Variants in TMEM63C observed in about 807,000 individuals in gnomAD.
TMEM63C encodes osmosensitive cation channel TMEM63C.
In TMEM63C, 32 loss-of-function variants were observed where a neutral mutation model predicts 99.2. The ratio of observed to expected loss-of-function variants is 0.32; its 90% confidence interval spans 0.24 to 0.43. The LOEUF (loss-of-function observed/expected upper bound fraction) is 0.43. Among genes scored for constraint, TMEM63C ranks in the 20% least tolerant of loss-of-function variants. The pLI is 1.00. For missense variants in TMEM63C, 826 were observed against 1,053.0 expected (o/e 0.78, Z 2.98); for synonymous variants, 376 against 397.9 (o/e 0.94, Z 0.66).
At chr14:77,239,537 A>G (rs773830358) in intron 11 of TMEM63C, 45 bp downstream of exon 11, 9 of 1,611,784 alleles carry the variant, frequency 5.6e-6, no homozygotes, top group South Asian at 1.1e-5. Flanking sequence ...TGGGGGTAAA[A>G]GGGGAGGATG....
At chr14:77,256,389 G>A (rs1359893470) in intron 23 of TMEM63C, 137 bp from the exon 24 acceptor site, 1 of 806,834 alleles carries the variant, frequency 1.2e-6, no homozygotes, top group Admixed American at 2.2e-5. Context: ...CAGGACCCAG[G>A]CTGCTGGGGA....
chr14:77,242,870 C>G (rs1889203269), intron 14 of TMEM63C, 33 bp from the exon 15 acceptor site: 1 of 1,613,744 alleles, frequency 6.2e-7, no homozygotes, highest in South Asian at 1.1e-5. Context: ...ACTGATGTCT[C>G]TAAATGTGCC....
chr14:77,230,551 A>G (rs404418), intron 6 of TMEM63C, among the ~76,000 whole-genome samples: 8,901 of 152,218 alleles, frequency 0.058, 366 homozygotes, highest in Admixed American at 0.098. Context: ...GTGAGCGAGC[A>G]TTACACCTGA....
chr14:77,211,463 C>T (rs1411355434), intron 1 of TMEM63C, among the ~76,000 whole-genome samples: 2 of 152,198 alleles, frequency 1.3e-5, no homozygotes, highest in South Asian at 2.1e-4. Context: ...GCTCTGTAAA[C>T]GTTAGCTATT....
intron 1 of TMEM63C, among the ~76,000 whole-genome samples, chr14:77,192,278 A>G (rs888367750): frequency 2.6e-5 from 4 of 152,180 alleles, no homozygotes; most frequent in Non-Finnish European, 4.4e-5. Flanking sequence ...CAATAACTCC[A>G]TGCAGATGGC....
intron 14 of TMEM63C, 108 bp downstream of exon 14, chr14:77,242,577 G>C: frequency 7.0e-7 from 1 of 1,424,248 alleles, no homozygotes; most frequent in African/African-American, 1.4e-5. Flanking sequence ...AGACTCCAAG[G>C]GGACTAAGTT....
chr14:77,254,209 G>T (rs1259660888), intron 23 of TMEM63C, among the ~76,000 whole-genome samples: 2 of 152,212 alleles, frequency 1.3e-5, no homozygotes, highest in African/African-American at 4.8e-5. Flanking sequence ...GGAGCTTGGG[G>T]GACTCAAGAC....
intron 8 of TMEM63C, among the ~76,000 whole-genome samples, chr14:77,234,886 CAACCATGGGGGCCTG>C (rs1889009094): frequency 6.6e-6 from 1 of 152,186 alleles, no homozygotes. Context: ...GTCTGCTGTG[CAACCATGGGGGCCTG>C]AGCCACAGCA....
chr14:77,256,556 G>A lies in TMEM63C; in HGVS notation c.2251G>A (p.Glu751Lys). 6.2e-7 allele frequency: 1 copy of A among 1,614,008 alleles called. No homozygotes were observed. Among genetic ancestry groups the A allele is most frequent in the Non-Finnish European group, 8.5e-7 (1 of 1,179,878 alleles). The change falls in exon 24 of 24, where the codon GAG (glutamate) becomes AAG (lysine). Residue 751 changes from glutamate to lysine, a missense_variant. Transcript: ENST00000298351. Reference sequence around the variant, plus strand: ...TGTGGCCACCGTGCTGCAAGAACCGGAGTTGAATCTGACCCCCGCCTCCTC... The same window carrying A: ...TGTGGCCACCGTGCTGCAAGAACCGAAGTTGAATCTGACCCCCGCCTCCTC... ...LYVATVLQEP[E>K]LNLTPASSPA...
chr14:77,248,543 A>G (rs373343905), intron 19 of TMEM63C, 34 bp downstream of exon 19: 1 of 1,562,112 alleles, frequency 6.4e-7, no homozygotes. Context: ...CACAGCCCTC[A>G]GTTTCCTTTG....
intron 5 of TMEM63C, among the ~76,000 whole-genome samples, chr14:77,221,392 G>A (rs1447225167): frequency 6.9e-5 from 3 of 43,444 alleles, no homozygotes; most frequent in East Asian, 9.5e-4. Context: ...TCCCACTCAC[G>A]CCTCCCATTC....
In TMEM63C at chr14:77,225,417, C is replaced by T. The variant is rs879822582; in HGVS notation, c.313-7C>T. 9.3e-6 allele frequency: 15 copies of T among 1,612,742 alleles called. No individual in the cohort carries two copies. The highest frequency in any genetic ancestry group is 2.7e-5 in the African/African-American group (2 of 75,002). ...GTTTTCTCACAGTTTCTCTCCTTTC[C>T]CCGCAGGGATTCTGTTCCTGGTTCT... On this transcript the variant is annotated splice_polypyrimidine_tract_variant and splice_region_variant and intron_variant, in intron 5 of 23. Coordinates refer to ENST00000298351, the MANE Select transcript of TMEM63C (RefSeq NM_020431.4).
At chr14:77,239,864 C>A in intron 12 of TMEM63C, 138 bp downstream of exon 12, 1 of 1,247,346 alleles carries the variant, frequency 8.0e-7, no homozygotes, top group African/African-American at 1.5e-5. Flanking sequence ...GCTCCTTCCT[C>A]CCCATCCACC....
Position 77,239,504 on chromosome 14 carries a change from G to T in TMEM63C, c.806+12G>T. The T allele has an allele frequency of 6.2e-7, 1 of 1,613,368 alleles. No homozygotes were observed. Among genetic ancestry groups the T allele is most frequent in the Non-Finnish European group, 8.5e-7 (1 of 1,179,730 alleles). Reference sequence around the variant, plus strand: ...TTGGACGATCAGAGGTGAGGCTGCAGCGGGGCCTTTTGGGGCCCGGGGTGG... The same window carrying T: ...TTGGACGATCAGAGGTGAGGCTGCATCGGGGCCTTTTGGGGCCCGGGGTGG... On this transcript the variant is annotated intron_variant, in intron 11 of 23. Transcript: ENST00000298351.
chr14:77,233,827 A>G (rs980004945), intron 8 of TMEM63C, among the ~76,000 whole-genome samples: 1 of 152,000 alleles, frequency 6.6e-6, no homozygotes, highest in South Asian at 2.1e-4. Context: ...GAGATTGAAG[A>G]TTGTTTTCCT....
rs1566629855 is a variant in TMEM63C at position 77,242,907 on chromosome 14, C to T, written c.1192C>T (p.His398Tyr). 3 of 1,614,052 alleles carry T rather than the reference C, an allele frequency of 1.9e-6. No individual in the cohort carries two copies. Among genetic ancestry groups the T allele is most frequent in the Non-Finnish European group, 2.5e-6 (3 of 1,179,890 alleles). Residue 398 changes from histidine (H) to tyrosine (Y), a missense_variant, in exon 15 of 24, where the codon CAC (histidine) becomes TAC (tyrosine). His to Tyr is a moderately conservative substitution (Grantham distance 83). Transcript: ENST00000298351. The stretch of plus-strand genomic sequence containing the variant: ...CCTTCTTCCATCCTTCCCCAGGAAA[C>T]ACCTGTCTGTCCGCCGCTTCTTTTG... ...APHPKDIIWK[H>Y]LSVRRFFWWA...
At chr14:77,247,895 A>G (rs1025801666) in intron 18 of TMEM63C, among the ~76,000 whole-genome samples, 1 of 152,202 alleles carries the variant, frequency 6.6e-6, no homozygotes, top group African/African-American at 2.4e-5. Context: ...GTGAGCCACC[A>G]TGCCCTGCCG....
In TMEM63C at chr14:77,257,635, A is replaced by G. The variant is rs972260103; in HGVS notation, c.*909A>G. 1.3e-5 allele frequency: 2 copies of G among 152,266 alleles called. No individual in the cohort carries two copies. The highest frequency in any genetic ancestry group is 1.5e-5 in the Non-Finnish European group (1 of 68,090). 9.4% of individuals were successfully genotyped at this position (152,266 alleles called of 1,614,324 possible). On this transcript the variant is annotated 3_prime_UTR_variant, in exon 24 of 24. Transcript: ENST00000298351. ...GCCTAAAGAGAAGACCCCCGAAGCCAAAGATGTGGCCACTTAAAAGCGTCT... is the reference window on the plus strand; with the variant it reads ...GCCTAAAGAGAAGACCCCCGAAGCCGAAGATGTGGCCACTTAAAAGCGTCT...
At chr14:77,191,532 C>CTTTTTTTT (rs1888107205) in intron 1 of TMEM63C, among the ~76,000 whole-genome samples, 3 of 92,404 alleles carry the variant, frequency 3.2e-5, no homozygotes, top group Non-Finnish European at 4.4e-5. Context: ...TTTCTTTTTT[C>CTTTTTTTT]TTTTTCTTTT....
Sources: allele counts gnomAD v4.1 joint callset (sites outside exome capture counted in the v4.1 genomes callset), GRCh38; gene constraint gnomAD v4.1.1; transcripts MANE v1.5; gene names NCBI Gene and HGNC (gene_info 2026-07-23, HGNC 2026-07-21).